FRMD6: variants seen among roughly 807,000 people sequenced by gnomAD.
FRMD6 encodes FERM domain-containing protein 6.
A neutral mutation model predicts 73.2 loss-of-function variants in FRMD6; 37 were observed. The observed-to-expected ratio is 0.51, with a 90% confidence interval of 0.39 to 0.66. The LOEUF (loss-of-function observed/expected upper bound fraction) is 0.66. Among genes scored for constraint, FRMD6 ranks in the 30% least tolerant of loss-of-function variants. The pLI is 0.00. For synonymous variants in FRMD6, 273 were observed against 282.2 expected, an observed-to-expected ratio of 0.97 and a Z score of 0.33; for missense variants, 714 against 780.5, an observed-to-expected ratio of 0.91 and a Z score of 1.02.
At chr14:51,429,032 G>GGAGAGAGAGAGAGAGAAAAGAGAAGAGAA in the FRMD6 span, among the ~76,000 whole-genome samples, 768 of 137,918 alleles carry the variant, frequency 5.6e-3, 11 homozygotes, top group African/African-American at 0.019. Context: ...GAGAGAGAGG[G>GGAGAGAGAGAGAGAGAAAAGAGAAGAGAA]GAGAGAAAAG....
the FRMD6 span, among the ~76,000 whole-genome samples, chr14:51,413,253 G>A: frequency 0.03 from 4,516 of 152,220 alleles, 163 homozygotes; most frequent in African/African-American, 0.077. Flanking sequence ...TTGGTTTGCT[G>A]CACTCATCAA....
intron 1 of FRMD6, among the ~76,000 whole-genome samples, chr14:51,532,765 A>T (rs979127391): frequency 6.6e-6 from 1 of 152,152 alleles, no homozygotes; most frequent in Non-Finnish European, 1.5e-5. Context: ...TTTCAGAATC[A>T]TTTTTCTCTT....
At chr14:51,601,509 C>T (rs2139808019) in intron 2 of FRMD6, among the ~76,000 whole-genome samples, 1 of 152,274 alleles carries the variant, frequency 6.6e-6, no homozygotes, top group South Asian at 2.1e-4. Flanking sequence ...GTGAAACTTC[C>T]AGGTTCAGTC....
At chr14:51,529,662 A>G (rs1017930394) in intron 1 of FRMD6, among the ~76,000 whole-genome samples, 5 of 152,236 alleles carry the variant, frequency 3.3e-5, no homozygotes, top group Non-Finnish European at 5.9e-5. Context: ...TTTGTTCCCT[A>G]GTCCCAGCAT....
chr14:51,497,304 T>C (rs1883360341), intron 1 of FRMD6, among the ~76,000 whole-genome samples: 1 of 152,014 alleles, frequency 6.6e-6, no homozygotes, highest in Non-Finnish European at 1.5e-5. Flanking sequence ...TGTTGCTTGC[T>C]TGTAGAAAGT....
chr14:51,524,600 T>C (rs1885133558), intron 1 of FRMD6, among the ~76,000 whole-genome samples: 1 of 152,176 alleles, frequency 6.6e-6, no homozygotes, highest in South Asian at 2.1e-4. Flanking sequence ...AGCATTTAAC[T>C]GAGCAAAGAA....
intron 2 of FRMD6, among the ~76,000 whole-genome samples, chr14:51,585,488 G>C (rs902521980): frequency 6.6e-6 from 1 of 152,062 alleles, no homozygotes; most frequent in Non-Finnish European, 1.5e-5. Context: ...GTCTGCTTCT[G>C]AAGCAAGACC....
intron 1 of FRMD6, among the ~76,000 whole-genome samples, chr14:51,685,406 A>G (rs1895083532): frequency 6.6e-6 from 1 of 152,172 alleles, no homozygotes; most frequent in African/African-American, 2.4e-5. Flanking sequence ...ACATGTCACC[A>G]TCTATATCAT....
At chr14:51,592,469 A>G (rs913644213) in intron 2 of FRMD6, among the ~76,000 whole-genome samples, 9 of 152,248 alleles carry the variant, frequency 5.9e-5, no homozygotes, top group African/African-American at 2.2e-4. Flanking sequence ...TAGGTGCTCA[A>G]TAAATATTCT....
At chr14:51,589,860 G>A (rs181345784) in intron 2 of FRMD6, among the ~76,000 whole-genome samples, 135 of 152,296 alleles carry the variant, frequency 8.9e-4, no homozygotes, top group African/African-American at 3.0e-3. Context: ...CCTGAGGTCA[G>A]GAGTTCGAGA....
intron 1 of FRMD6, among the ~76,000 whole-genome samples, chr14:51,675,694 A>G (rs1894340641): frequency 6.6e-6 from 1 of 152,104 alleles, no homozygotes. Flanking sequence ...TTTAATTTGA[A>G]GTCTGTAGGT....
intron 2 of FRMD6, among the ~76,000 whole-genome samples, chr14:51,628,799 TCAA>T (rs1357165088): frequency 0.038 from 355 of 9,324 alleles, 3 homozygotes; most frequent in Non-Finnish European, 0.058. Flanking sequence ...AGACTCTGTC[TCAA>T]AAAAAAAAAA....
chr14:51,459,845 A>AC, the FRMD6 span, among the ~76,000 whole-genome samples: 1 of 142,648 alleles, frequency 7.0e-6, no homozygotes, highest in African/African-American at 2.6e-5. Context: ...AAAAAAAAAA[A>AC]AAGCTGACGC....
chr14:51,649,222 A>C (rs1207618735), upstream of FRMD6, among the ~76,000 whole-genome samples: 1 of 152,208 alleles, frequency 6.6e-6, no homozygotes, highest in Non-Finnish European at 1.5e-5. Context: ...AAGAGTTTAA[A>C]ATACTTAGTT....
intron 1 of FRMD6, among the ~76,000 whole-genome samples, chr14:51,671,564 G>C (rs1327109232): frequency 6.6e-6 from 1 of 152,068 alleles, no homozygotes; most frequent in Non-Finnish European, 1.5e-5. Flanking sequence ...TAAGACAGCA[G>C]GACAGCAGTT....
intron 1 of FRMD6, among the ~76,000 whole-genome samples, chr14:51,557,657 A>G (rs1887222099): frequency 6.6e-6 from 1 of 152,198 alleles, no homozygotes; most frequent in African/African-American, 2.4e-5. Flanking sequence ...AAGAGAATAG[A>G]TTTTAAATGT....
chr14:51,603,590 A>G (rs777930740), intron 2 of FRMD6, among the ~76,000 whole-genome samples: 3 of 152,188 alleles, frequency 2.0e-5, no homozygotes, highest in African/African-American at 7.2e-5. Flanking sequence ...AATATGTTAG[A>G]TATTTTTTCA....
chr14:51,724,724 G>C (rs1897847508), intron 12 of FRMD6, among the ~76,000 whole-genome samples: 1 of 139,492 alleles, frequency 7.2e-6, no homozygotes, highest in Non-Finnish European at 1.6e-5. Context: ...TACTTAAAGG[G>C]TTTTTTGTTT....
chr14:51,627,319 G>A (rs776887515), intron 2 of FRMD6, among the ~76,000 whole-genome samples: 1 of 152,184 alleles, frequency 6.6e-6, no homozygotes, highest in Non-Finnish European at 1.5e-5. Flanking sequence ...AACTTCTTAT[G>A]TATGTTTGTG....
Sources: allele counts gnomAD v4.1 joint callset (sites outside exome capture counted in the v4.1 genomes callset), GRCh38; gene constraint gnomAD v4.1.1; transcripts MANE v1.5; gene names NCBI Gene and HGNC (gene_info 2026-07-23, HGNC 2026-07-21).